SSH1: variants seen among roughly 807,000 people sequenced by gnomAD.
The protein encoded by SSH1 is protein phosphatase Slingshot homolog 1.
In SSH1, 43 loss-of-function variants were observed where a neutral mutation model predicts 79.7. The observed-to-expected ratio is 0.54, with a 90% confidence interval of 0.42 to 0.70. The LOEUF (loss-of-function observed/expected upper bound fraction) is 0.70. Ranked by LOEUF, SSH1 falls within the 30% of genes least tolerant of loss-of-function variation. SSH1 has a pLI of 0.00. For missense variants in SSH1, 1,206 were observed against 1,358.8 expected, an observed-to-expected ratio of 0.89 and a Z score of 1.77; for synonymous variants, 599 against 538.3, an observed-to-expected ratio of 1.11 and a Z score of -1.56.
At chr12:108,804,476 C>T (rs2037174811) in intron 10 of SSH1, among the ~76,000 whole-genome samples, 1 of 152,198 alleles carries the variant, frequency 6.6e-6, no homozygotes, top group Non-Finnish European at 1.5e-5. Flanking sequence ...TCTGAGCTAG[C>T]CGTGGAGGTG....
In SSH1 at chr12:108,816,400, C is replaced by A. The variant is rs145296990; in HGVS notation, c.401+638G>T. On this transcript the variant is annotated intron_variant, in intron 5 of 14. Coordinates refer to ENST00000326495, the MANE Select transcript of SSH1 (RefSeq NM_018984.4). ...GAATCTAATCTAGTTTTAACAAATC[C>A]AGGTTTTGCAATGATCTCACAGGCA... Among the ~76,000 whole-genome samples, 475 of 152,316 alleles carry A rather than the reference C, an allele frequency of 3.1e-3. 1 individual carries two copies. The highest frequency in any genetic ancestry group is 6.8e-3 in the Middle Eastern group (2 of 292).
rs568245144 is a variant in SSH1, at chr12:108,806,186, C to T, written c.825+115G>A. On this transcript the variant is annotated intron_variant, in intron 9 of 14. Coordinates refer to ENST00000326495, the MANE Select transcript of SSH1 (RefSeq NM_018984.4). ...GAAAAAAGCCTCCGGGGGCTGATAC[C>T]AGAGGACAGGTAAAGACAACCAGAT... 214 of 1,002,194 alleles carry T rather than the reference C, an allele frequency of 2.1e-4. 3 individuals carry two copies. In the African/African-American group the frequency reaches 2.4e-3, roughly 11 times the overall value. 62.1% of individuals were successfully genotyped at this position (1,002,194 alleles called of 1,614,324 possible).
At chr12:108,845,514 C>T (rs2038879809) in intron 2 of SSH1, among the ~76,000 whole-genome samples, 1 of 152,104 alleles carries the variant, frequency 6.6e-6, no homozygotes, top group African/African-American at 2.4e-5. Context: ...ATGATGAAAC[C>T]CTGTCTCTAC....
At position 108,788,425 on chromosome 12, in the gene SSH1, G is replaced by A; in HGVS notation, c.2713C>T (p.Leu905=). Residue 905 remains leucine (L), a synonymous_variant, in exon 15 of 15, where the codon CTG becomes TTG. Coordinates refer to ENST00000326495, the MANE Select transcript of SSH1 (RefSeq NM_018984.4). Reference sequence around the variant, plus strand: ...TTTGAGAAACTACTGGTGTGGTCCAGGCGGTAGAAGAAAGGAGGGGGGCTC... The same window carrying A: ...TTTGAGAAACTACTGGTGTGGTCCAAGCGGTAGAAGAAAGGAGGGGGGCTC... ...LKSPPPFFYR[L]DHTSSFSKDF... 1.3e-6 allele frequency: 2 copies of A among 1,590,944 alleles called. No individual in the cohort carries two copies. Among genetic ancestry groups the A allele is most frequent in the Non-Finnish European group, 1.7e-6 (2 of 1,170,384 alleles).
chr12:108,793,181 A>C (rs1307079921), intron 13 of SSH1, among the ~76,000 whole-genome samples: 1 of 152,150 alleles, frequency 6.6e-6, no homozygotes, highest in African/African-American at 2.4e-5. Context: ...TTTCTCTGTC[A>C]AATAAGAATA....
chr12:108,826,380 C>A (rs752319882), intron 2 of SSH1: 4 of 317,864 alleles, frequency 1.3e-5, no homozygotes, highest in Admixed American at 4.8e-5. Flanking sequence ...TGTTCCCCCA[C>A]GACAATCAAG....
intron 1 of SSH1, chr12:108,853,100 T>C (rs2039077373): frequency 2.0e-5 from 20 of 985,260 alleles, no homozygotes; most frequent in Non-Finnish European, 2.2e-5. Context: ...AGCTGAGTGA[T>C]GAACACCATT....
intron 3 of SSH1, among the ~76,000 whole-genome samples, chr12:108,818,741 T>G (rs550557191): frequency 1.3e-5 from 2 of 152,280 alleles, no homozygotes; most frequent in African/African-American, 4.8e-5. Flanking sequence ...GGACAGAGCA[T>G]CACGTTTCCT....
chr12:108,794,309 A>G (rs1305890204), intron 13 of SSH1, among the ~76,000 whole-genome samples: 3 of 151,690 alleles, frequency 2.0e-5, no homozygotes, highest in African/African-American at 7.3e-5. Flanking sequence ...TACGGTGAGG[A>G]CCTCCCCCAC....
intron 13 of SSH1, among the ~76,000 whole-genome samples, chr12:108,793,152 A>C (rs2036588345): frequency 1.3e-5 from 2 of 152,206 alleles, no homozygotes; most frequent in South Asian, 4.1e-4. Flanking sequence ...TTGTCACGTC[A>C]GTTACACTCC....
At chr12:108,852,131 C>T (rs904003544) in intron 2 of SSH1, among the ~76,000 whole-genome samples, 1 of 151,336 alleles carries the variant, frequency 6.6e-6, no homozygotes, top group Non-Finnish European at 1.5e-5. Context: ...CTTTTCCAAG[C>T]GTTATATAAT....
chr12:108,833,551 C>G (rs1025633679), intron 2 of SSH1, among the ~76,000 whole-genome samples: 4 of 152,194 alleles, frequency 2.6e-5, no homozygotes, highest in Non-Finnish European at 5.9e-5. Context: ...AGAGGCCCCT[C>G]CTTTCAGGTC....
intron 13 of SSH1, among the ~76,000 whole-genome samples, chr12:108,794,659 G>C (rs2036664907): frequency 6.6e-6 from 1 of 152,200 alleles, no homozygotes; most frequent in Non-Finnish European, 1.5e-5. Flanking sequence ...AAAGGGAAAA[G>C]TCAAGCCGGG....
intron 2 of SSH1, among the ~76,000 whole-genome samples, chr12:108,849,086 G>A (rs1363007369): frequency 1.3e-5 from 2 of 152,260 alleles, no homozygotes; most frequent in South Asian, 2.1e-4. Flanking sequence ...TAGAGGTCTC[G>A]CTTCAAATAC....
rs2036146616 is a variant in SSH1 at position 108,781,523 on chromosome 12, CTT to C, written c.*6463_*6464del. Reference sequence around the variant, plus strand: ...CTTGCATTCTGGTTTATTCATCAGTCTTTTGAGTCCAGTTGAGAGACAGAGCA... The same window carrying C: ...CTTGCATTCTGGTTTATTCATCAGTCTTGAGTCCAGTTGAGAGACAGAGCA... On this transcript the variant is annotated 3_prime_UTR_variant, in exon 15 of 15. Coordinates refer to ENST00000326495, the MANE Select transcript of SSH1 (RefSeq NM_018984.4). 1 of 152,238 alleles carries C rather than the reference CTT, an allele frequency of 6.6e-6. No homozygotes were observed. Among genetic ancestry groups the C allele is most frequent in the Non-Finnish European group, 1.5e-5 (1 of 68,050 alleles). 9.4% of individuals were successfully genotyped at this position (152,238 alleles called of 1,614,324 possible). A position where few individuals can be genotyped will look rare whatever the true frequency, so the allele number is the denominator to read the frequency against.
chr12:108,839,788 G>C (rs1309386730), intron 2 of SSH1, among the ~76,000 whole-genome samples: 1 of 152,254 alleles, frequency 6.6e-6, no homozygotes. Context: ...AACAGGTCAA[G>C]GCTGGGTTTT....
chr12:108,823,763 G>T (rs1370182634), intron 2 of SSH1, among the ~76,000 whole-genome samples: 1 of 152,090 alleles, frequency 6.6e-6, no homozygotes, highest in Non-Finnish European at 1.5e-5. Context: ...TGCCTCCTGG[G>T]TTCAAGCGAT....
intron 13 of SSH1, among the ~76,000 whole-genome samples, chr12:108,795,020 C>T (rs1040234049): frequency 5.3e-5 from 8 of 152,166 alleles, no homozygotes; most frequent in African/African-American, 1.9e-4. Flanking sequence ...CTCTCTTCCC[C>T]CTACCCCGCT....
At position 108,809,604 on chromosome 12, in the gene SSH1, G is replaced by A. The variant is rs2037472801; in HGVS notation, c.536+89C>T. The A allele has an allele frequency of 1.6e-5, 18 of 1,113,406 alleles. No individual in the cohort carries two copies. The East Asian group carries it at 2.6e-4, about 16-fold the overall frequency. The allele number at this position is 1,113,406 out of a possible 1,614,324, so 69.0% of individuals were successfully genotyped here. A position where few individuals can be genotyped will look rare whatever the true frequency, so the allele number is the denominator to read the frequency against. ...CTCCCTCAACATGCACATACGTAACGAGCTTCTTGGTAGAAGGGGTTTTTC... is the reference window on the plus strand; with the variant it reads ...CTCCCTCAACATGCACATACGTAACAAGCTTCTTGGTAGAAGGGGTTTTTC... On this transcript the variant is annotated intron_variant, in intron 7 of 14. Transcript: ENST00000326495.
Sources: gnomAD v4.1 joint callset for allele counts (sites outside exome capture counted in the v4.1 genomes callset) on GRCh38, gnomAD v4.1.1 for gene constraint, MANE v1.5 for transcripts, NCBI Gene and HGNC (gene_info 2026-07-23, HGNC 2026-07-21) for gene names.